The following C10orf143 variants were observed in gnomAD, a reference collection of about 807,000 sequenced individuals.
The protein encoded by C10orf143 is chromosome 10 open reading frame 143.
At chr10:130,089,564 TAA>T (rs1861348334) in intron 1 of C10orf143, among the ~76,000 whole-genome samples, 1 of 152,196 alleles carries the variant, frequency 6.6e-6, no homozygotes, top group South Asian at 2.1e-4. Context: ...GCTTTCAGGC[TAA>T]GTGGAGAAAT....
chr10:130,050,540 TAAAA>T (rs1860725345), intron 3 of C10orf143, among the ~76,000 whole-genome samples: 1 of 152,134 alleles, frequency 6.6e-6, no homozygotes, highest in Non-Finnish European at 1.5e-5. Context: ...CATACATAAA[TAAAA>T]TAATCAGAAT....
chr10:130,090,859 C>T (rs1468519489), intron 1 of C10orf143, among the ~76,000 whole-genome samples: 1 of 152,158 alleles, frequency 6.6e-6, no homozygotes. Context: ...AGCCAGACTG[C>T]CTCTCTAGAT....
chr10:130,093,761 C>T (rs1388327024), intron 1 of C10orf143, among the ~76,000 whole-genome samples: 1 of 151,906 alleles, frequency 6.6e-6, no homozygotes, highest in South Asian at 2.1e-4. Flanking sequence ...ACCTGTAATC[C>T]CAGCACTTTG....
At chr10:130,079,537 T>C in intron 3 of C10orf143, 29 bp downstream of exon 3, 1 of 399,062 alleles carries the variant, frequency 2.5e-6, no homozygotes, top group East Asian at 3.6e-5. Flanking sequence ...CTATCTTTTA[T>C]GTCACAGCAA....
At chr10:130,046,124 C>T (rs1475978333) in intron 3 of C10orf143, among the ~76,000 whole-genome samples, 1 of 117,232 alleles carries the variant, frequency 8.5e-6, no homozygotes, top group Non-Finnish European at 1.8e-5. Context: ...CGGGGCGTGG[C>T]GTGGGGCACA....
chr10:130,069,603 G>A (rs1860997955), intron 3 of C10orf143, among the ~76,000 whole-genome samples: 1 of 112,612 alleles, frequency 8.9e-6, no homozygotes, highest in Non-Finnish European at 2.0e-5. Context: ...TCTATCTGCA[G>A]ATTTTCTGGA....
chr10:130,093,732 G>C (rs755132504), intron 1 of C10orf143, among the ~76,000 whole-genome samples: 16 of 151,920 alleles, frequency 1.1e-4, no homozygotes, highest in Non-Finnish European at 2.2e-4. Context: ...GATAAAGGGG[G>C]CCAGGCGCGG....
intron 1 of C10orf143, among the ~76,000 whole-genome samples, chr10:130,085,345 A>G (rs1861274202): frequency 1.3e-5 from 2 of 152,206 alleles, no homozygotes; most frequent in Non-Finnish European, 2.9e-5. Flanking sequence ...GGGACACAAT[A>G]CCATGAACCC....
At chr10:130,081,710 G>A (rs1015257040) in intron 1 of C10orf143, among the ~76,000 whole-genome samples, 8 of 150,920 alleles carry the variant, frequency 5.3e-5, no homozygotes, top group Non-Finnish European at 1.5e-5. Context: ...TATTTCTTAG[G>A]TCACCAACTG....
At chr10:130,057,101 A>C (rs1860805939) in intron 3 of C10orf143, among the ~76,000 whole-genome samples, 2 of 136,840 alleles carry the variant, frequency 1.5e-5, no homozygotes, top group Admixed American at 7.6e-5. Flanking sequence ...CGTGTTGCCC[A>C]CGCTGGTCTT....
At chr10:130,100,835 T>C (rs1424752219) in intron 1 of C10orf143, among the ~76,000 whole-genome samples, 1 of 152,096 alleles carries the variant, frequency 6.6e-6, no homozygotes, top group African/African-American at 2.4e-5. Flanking sequence ...ATCAGGGAAC[T>C]GTGGGACAAC....
intron 1 of C10orf143, among the ~76,000 whole-genome samples, chr10:130,110,076 T>C (rs1309051738): frequency 6.6e-6 from 1 of 152,036 alleles, no homozygotes. Flanking sequence ...TTTTGTCACC[T>C]CCCATCCTGC....
chr10:130,094,713 GA>G (rs769320530), intron 1 of C10orf143, among the ~76,000 whole-genome samples: 20 of 152,150 alleles, frequency 1.3e-4, no homozygotes, highest in Non-Finnish European at 1.9e-4. Flanking sequence ...ACTAGGTACT[GA>G]TGGAATGTAT....
At chr10:130,046,811 C>A (rs183262800) in intron 3 of C10orf143, among the ~76,000 whole-genome samples, 2 of 152,346 alleles carry the variant, frequency 1.3e-5, no homozygotes, top group East Asian at 3.9e-4. Context: ...GTCTATGCAG[C>A]GCCTAGGCCT....
chr10:130,087,435 G>C (rs1267718405), intron 1 of C10orf143, among the ~76,000 whole-genome samples: 4 of 152,188 alleles, frequency 2.6e-5, no homozygotes, highest in Non-Finnish European at 5.9e-5. Flanking sequence ...TCAGAGAAAG[G>C]TGAAGCAGGA....
intron 3 of C10orf143, among the ~76,000 whole-genome samples, chr10:130,073,473 G>A (rs761868917): frequency 3.9e-5 from 6 of 152,120 alleles, no homozygotes; most frequent in Non-Finnish European, 8.8e-5. Flanking sequence ...ATCTCTGGAC[G>A]TGAGCATTCC....
chr10:130,075,726 G>A (rs369135191), intron 3 of C10orf143, among the ~76,000 whole-genome samples: 6 of 152,218 alleles, frequency 3.9e-5, no homozygotes, highest in South Asian at 2.1e-4. Flanking sequence ...TGCTGTTCTC[G>A]TGATAGTGAG....
intron 4 of C10orf143, chr10:130,035,709 G>C (rs779162904): frequency 1.4e-4 from 21 of 152,294 alleles, no homozygotes; most frequent in Admixed American, 7.2e-4. Flanking sequence ...GCTGGGAAGT[G>C]AGTAGACCAC....
rs926289803 is a variant in C10orf143 at position 130,053,110 on chromosome 10, G to A, written c.298-17140C>T. On this transcript the variant is annotated intron_variant and NMD_transcript_variant, in intron 3 of 5. Transcript: ENST00000643056. ...GAGTCTTGCTCTGTGGCCCAGGCTG[G>A]AGTGCAGTGGCATGATCTCGGCTCA... Among the ~76,000 whole-genome samples the A allele has an allele frequency of 7.2e-5, 11 of 152,338 alleles. No individual in the cohort carries two copies. The East Asian group carries it at 2.1e-3, about 29-fold the overall frequency.
Sources: allele counts gnomAD v4.1 joint callset (sites outside exome capture counted in the v4.1 genomes callset), GRCh38; gene constraint gnomAD v4.1.1; transcripts MANE v1.5; gene names NCBI Gene and HGNC (gene_info 2026-07-23, HGNC 2026-07-21).